Variants in PALLD observed in about 807,000 individuals in gnomAD.
PALLD encodes palladin, cytoskeletal associated protein.
Under a neutral mutation model 123.5 loss-of-function variants are expected in PALLD, and 61 were observed. The ratio of observed to expected loss-of-function variants is 0.49; its 90% CI spans 0.40 to 0.61. PALLD has a LOEUF of 0.61. PALLD is among the 20% of genes least tolerant of loss of function. The pLI is 0.00. For synonymous variants in PALLD, 465 were observed against 496.4 expected (o/e 0.94, Z 0.84); for missense variants, 1,273 against 1,377.0 (o/e 0.92, Z 1.20).
chr4:168,618,337 C>G (rs1168547475), intron 2 of PALLD, among the ~76,000 whole-genome samples: 3 of 152,160 alleles, frequency 2.0e-5, no homozygotes, highest in Non-Finnish European at 4.4e-5. Flanking sequence ...TATTCAGACT[C>G]CATGCTACAT....
At chr4:168,611,134 T>G (rs1447968757) in intron 2 of PALLD, among the ~76,000 whole-genome samples, 1 of 152,212 alleles carries the variant, frequency 6.6e-6, no homozygotes, top group Non-Finnish European at 1.5e-5. Context: ...CTTCCTGGTT[T>G]GGACCTAATA....
chr4:168,521,741 AAATAC>A (rs1422120366), intron 2 of PALLD, among the ~76,000 whole-genome samples: 1 of 152,236 alleles, frequency 6.6e-6, no homozygotes, highest in Non-Finnish European at 1.5e-5. Flanking sequence ...GATTTATCAG[AAATAC>A]AATACATCTT....
intron 3 of PALLD, among the ~76,000 whole-genome samples, chr4:168,670,646 T>C (rs1780119423): frequency 6.8e-6 from 1 of 147,786 alleles, no homozygotes; most frequent in East Asian, 2.0e-4. Flanking sequence ...GGCAGGAGAA[T>C]TGCGTGAACC....
chr4:168,689,051 C>T (rs575227479), intron 6 of PALLD, among the ~76,000 whole-genome samples: 111 of 152,214 alleles, frequency 7.3e-4, no homozygotes, highest in Middle Eastern at 3.4e-3. Context: ...TTTAAAAATA[C>T]GGAAGAAGAA....
intron 2 of PALLD, among the ~76,000 whole-genome samples, chr4:168,549,112 G>T (rs1766466933): frequency 6.6e-6 from 1 of 152,142 alleles, no homozygotes; most frequent in South Asian, 2.1e-4. Context: ...ACCATCTGAT[G>T]ATTTAAGCCA....
chr4:168,804,977 G>A (rs865964493), intron 10 of PALLD, among the ~76,000 whole-genome samples: 4 of 152,096 alleles, frequency 2.6e-5, no homozygotes, highest in Non-Finnish European at 4.4e-5. Context: ...TGGCCAACAT[G>A]GTGAAACCCC....
At chr4:168,877,870 G>C in intron 10 of PALLD, 1 of 1,415,830 alleles carries the variant, frequency 7.1e-7, no homozygotes, top group South Asian at 1.4e-5. Context: ...CGGCCTGCAC[G>C]CCGCCCGCGT....
chr4:168,658,717 G>C (rs1214153553), intron 2 of PALLD, among the ~76,000 whole-genome samples: 1 of 151,884 alleles, frequency 6.6e-6, no homozygotes, highest in African/African-American at 2.4e-5. Context: ...GTTTTATCTG[G>C]GCTGGTCCAT....
chr4:168,872,287 G>A (rs1392252925), intron 10 of PALLD, among the ~76,000 whole-genome samples: 1 of 152,142 alleles, frequency 6.6e-6, no homozygotes, highest in Non-Finnish European at 1.5e-5. Flanking sequence ...TAAGTACAAA[G>A]GAAAAGTCTC....
chr4:168,657,785 A>G (rs1778727411), intron 2 of PALLD, among the ~76,000 whole-genome samples: 1 of 152,196 alleles, frequency 6.6e-6, no homozygotes, highest in Admixed American at 6.5e-5. Flanking sequence ...AGCAGATGAC[A>G]TGGGCTAGCC....
intron 2 of PALLD, among the ~76,000 whole-genome samples, chr4:168,590,483 A>G (rs1381364380): frequency 1.3e-5 from 2 of 152,244 alleles, no homozygotes; most frequent in East Asian, 3.8e-4. Flanking sequence ...AAATATCATC[A>G]GAAATTCACA....
At chr4:168,546,267 A>G (rs554099752) in intron 2 of PALLD, among the ~76,000 whole-genome samples, 32 of 152,038 alleles carry the variant, frequency 2.1e-4, no homozygotes, top group Non-Finnish European at 3.5e-4. Flanking sequence ...TGCTCAGAAC[A>G]TATCGGAAGC....
chr4:168,758,984 G>A (rs901772709), intron 10 of PALLD, among the ~76,000 whole-genome samples: 2 of 151,176 alleles, frequency 1.3e-5, no homozygotes, highest in Admixed American at 6.6e-5. Flanking sequence ...AGACCAGCCT[G>A]GCCAACATGG....
intron 10 of PALLD, among the ~76,000 whole-genome samples, chr4:168,789,702 CA>C (rs58941945): frequency 0.055 from 4,569 of 83,210 alleles, 211 homozygotes; most frequent in African/African-American, 0.18. Context: ...GACTCCGTCT[CA>C]AAAAAAAAAA....
intron 14 of PALLD, 85 bp downstream of exon 14, chr4:168,898,799 G>A: frequency 1.2e-6 from 1 of 861,786 alleles, no homozygotes; most frequent in Non-Finnish European, 2.0e-6. Context: ...GTAGGAGAAA[G>A]AGATACAAAT....
At chr4:168,885,014 C>G (rs7682654) in intron 10 of PALLD, among the ~76,000 whole-genome samples, 78,667 of 151,658 alleles carry the variant, frequency 0.52, 22,933 homozygotes, top group South Asian at 0.66. Context: ...CCAAACCACA[C>G]AGCTTTTAAG....
rs572819659 is a variant in PALLD at position 168,719,507 on chromosome 4, G to A, written c.1964+7584G>A. Among the ~76,000 whole-genome samples, 38 of 152,092 alleles carry A rather than the reference G, an allele frequency of 2.5e-4. 1 individual carries two copies. The highest frequency in any genetic ancestry group is 8.3e-4 in the South Asian group (4 of 4,818). On this transcript the variant is annotated intron_variant, in intron 10 of 21. Transcript: ENST00000505667. ...ACTCCTCACCTCAGGTGATCTGCCC[G>A]CCTTGGCCTCCTCAAGTGCTAGGAT...
chr4:168,516,250 A>T (rs1006474578), intron 2 of PALLD, among the ~76,000 whole-genome samples: 7 of 152,176 alleles, frequency 4.6e-5, no homozygotes, highest in Non-Finnish European at 7.4e-5. Context: ...AAATGAAATC[A>T]AGTCAGAATT....
At chr4:168,705,730 G>A (rs746926643) in intron 8 of PALLD, among the ~76,000 whole-genome samples, 9 of 152,016 alleles carry the variant, frequency 5.9e-5, no homozygotes, top group Non-Finnish European at 8.8e-5. Context: ...TCTGCCTCCC[G>A]GGTTCAAGCA....
Sources: gnomAD v4.1 joint callset for allele counts (sites outside exome capture counted in the v4.1 genomes callset) on GRCh38, gnomAD v4.1.1 for gene constraint, MANE v1.5 for transcripts, NCBI Gene and HGNC (gene_info 2026-07-23, HGNC 2026-07-21) for gene names.